Variants in TTBK1 observed in about 807,000 individuals in gnomAD.
TTBK1 encodes the protein tau tubulin kinase 1.
In TTBK1, 34 loss-of-function variants were observed where a neutral mutation model predicts 108.5. The ratio of observed to expected loss-of-function variants is 0.31; its 90% CI spans 0.24 to 0.42. TTBK1 has a LOEUF of 0.42. Among genes scored for constraint, TTBK1 ranks in the 10% least tolerant of loss-of-function variants. TTBK1 has a pLI of 1.00. For missense variants in TTBK1, 1,539 were observed against 1,826.0 expected (o/e 0.84, Z 2.86); for synonymous variants, 809 against 795.1 (o/e 1.02, Z -0.29).
At chr6:43,267,952 T>G (rs1449636364) in intron 13 of TTBK1, among the ~76,000 whole-genome samples, 3 of 152,000 alleles carry the variant, frequency 2.0e-5, no homozygotes, top group African/African-American at 7.2e-5. Context: ...TCACAAGCAG[T>G]GGGGTGGAGA....
intron 2 of TTBK1, 109 bp from the exon 3 acceptor site, chr6:43,252,630 A>T: frequency 7.5e-7 from 1 of 1,339,190 alleles, no homozygotes; most frequent in Non-Finnish European, 1.0e-6. Context: ...TCAAAAAAAA[A>T]AAAAGATACC....
In TTBK1 at chr6:43,263,439, A is replaced by G; in HGVS notation, c.1986+89A>G. 8.1e-7 allele frequency: 1 copy of G among 1,238,120 alleles called. No homozygotes were observed. Among genetic ancestry groups the G allele is most frequent in the Middle Eastern group, 2.8e-4 (1 of 3,618 alleles). The allele number at this position is 1,238,120 out of a possible 1,614,324, so 76.7% of individuals were successfully genotyped here. A position where few individuals can be genotyped will look rare whatever the true frequency, so the allele number is the denominator to read the frequency against. On this transcript the variant is annotated intron_variant, in intron 13 of 14. Transcript: ENST00000259750. This position sits in a 1 kb window ranked among gnomAD's most constrained non-coding sequence, Gnocchi z 4.7. ...GGGGTGCTCCATGTGTGCTGGCACTACTGACCAGTAAGCCAGCAGTCACAG... is the reference window on the plus strand; with the variant it reads ...GGGGTGCTCCATGTGTGCTGGCACTGCTGACCAGTAAGCCAGCAGTCACAG...
chr6:43,246,892 T>G (rs1039861031), intron 2 of TTBK1, 124 bp downstream of exon 2: 1 of 668,382 alleles, frequency 1.5e-6, no homozygotes, highest in Non-Finnish European at 2.5e-6. Context: ...TAAGCTCATT[T>G]GCATACTGCT....
intron 12 of TTBK1, among the ~76,000 whole-genome samples, chr6:43,261,687 C>T (rs979240742): frequency 2.6e-5 from 4 of 151,742 alleles, no homozygotes; most frequent in African/African-American, 9.7e-5. Flanking sequence ...TGGTGGTGTG[C>T]ACCTGTAAGC....
intron 13 of TTBK1, among the ~76,000 whole-genome samples, chr6:43,264,816 C>T (rs530115753): frequency 6.6e-6 from 1 of 151,946 alleles, no homozygotes; most frequent in Non-Finnish European, 1.5e-5. Flanking sequence ...GGAGCCAAGG[C>T]GAGAGAGACT....
intron 9 of TTBK1, among the ~76,000 whole-genome samples, chr6:43,256,964 C>T (rs1383051689): frequency 6.6e-6 from 1 of 152,082 alleles, no homozygotes; most frequent in East Asian, 1.9e-4. Context: ...ACCCACTGAC[C>T]CTGATCAGAG....
At chr6:43,249,819 C>T (rs1777190104) in intron 2 of TTBK1, among the ~76,000 whole-genome samples, 1 of 152,116 alleles carries the variant, frequency 6.6e-6, no homozygotes. Context: ...TCAAGTCATC[C>T]ACCCACCTCA....
chr6:43,261,733 T>G (rs577978991), intron 12 of TTBK1, among the ~76,000 whole-genome samples: 170 of 149,272 alleles, frequency 1.1e-3, no homozygotes, highest in Non-Finnish European at 1.8e-3. Flanking sequence ...GAGAATAGCT[T>G]GAACCTGGGG....
intron 9 of TTBK1, 115 bp downstream of exon 9, chr6:43,255,971 C>A (rs866322819): frequency 1.5e-6 from 2 of 1,345,516 alleles, no homozygotes; most frequent in Middle Eastern, 4.3e-4. Flanking sequence ...CCAAGCCTCT[C>A]CCCTTGGTCT....
chr6:43,248,364 A>AC (rs941854073), intron 2 of TTBK1, among the ~76,000 whole-genome samples: 7 of 151,686 alleles, frequency 4.6e-5, no homozygotes, highest in African/African-American at 1.7e-4. Flanking sequence ...ACCAAGGCAA[A>AC]CTGCCCATAG....
intron 2 of TTBK1, among the ~76,000 whole-genome samples, chr6:43,252,144 G>A (rs181706870): frequency 1.3e-5 from 2 of 151,854 alleles, no homozygotes; most frequent in Non-Finnish European, 2.9e-5. Context: ...ATGTCTATAC[G>A]GGGTCACAGG....
At position 43,257,917 on chromosome 6, in the gene TTBK1, A is replaced by G. The variant is rs768823873; in HGVS notation, c.967A>G (p.Thr323Ala). Residue 323 changes from threonine (T) to alanine (A), a missense_variant, in exon 10 of 15, where the codon ACC (threonine) becomes GCC (alanine). This residue lies in a region of TTBK1 where 277 missense variants were observed against 332.4 expected (regional missense o/e 0.83). Transcript: ENST00000259750. This position sits in a 1 kb window ranked among gnomAD's most constrained non-coding sequence, Gnocchi z 4.5. ...AGTDALLSTS[T>A]STPPQQNTRQ... ...CACCGATGCCCTCCTGTCCACGAGC[A>G]CCTCTACCCCGCCCCAGCAGAACAC... is the stretch of plus-strand genomic sequence containing the variant. The G allele has an allele frequency of 6.2e-7, 1 of 1,613,498 alleles. No individual in the cohort carries two copies.
intron 1 of TTBK1, 64 bp from the exon 2 acceptor site, chr6:43,246,543 T>A: frequency 1.5e-6 from 1 of 657,974 alleles, no homozygotes; most frequent in South Asian, 2.0e-5. Flanking sequence ...GCTCCTCTCC[T>A]CCATATCTGC....
chr6:43,255,665 T>C (rs1302539723), intron 8 of TTBK1, 21 bp downstream of exon 8: 2 of 1,614,032 alleles, frequency 1.2e-6, no homozygotes, highest in Admixed American at 1.7e-5. Flanking sequence ...GGCAGCTGGG[T>C]CTGAGGTGGC....
chr6:43,269,983 TGG>T lies in TTBK1; in HGVS notation c.1986+6641_1986+6642del. 3 of 1,305,894 alleles carry T rather than the reference TGG, an allele frequency of 2.3e-6. No homozygotes were observed. The highest frequency in any genetic ancestry group is 3.0e-6 in the Non-Finnish European group (3 of 1,002,414). The allele number at this position is 1,305,894 out of a possible 1,614,324, so 80.9% of individuals were successfully genotyped here. On this transcript the variant is annotated intron_variant, in intron 13 of 14. Coordinates refer to ENST00000259750, the MANE Select transcript of TTBK1 (RefSeq NM_032538.3). This position sits in a 1 kb window ranked among gnomAD's most constrained non-coding sequence, Gnocchi z 4.8. The stretch of plus-strand genomic sequence containing the variant: ...CCCCCCCCCTCCTGGAGGGGGCAGG[TGG>T]GGGGGGGTGGGGAGCAGGCAGAGGA...
At position 43,273,914 on chromosome 6, in the gene TTBK1, A is replaced by C. The variant is rs1243886888; in HGVS notation, c.1987-8813A>C. On this transcript the variant is annotated intron_variant, in intron 13 of 14. Coordinates refer to ENST00000259750, the MANE Select transcript of TTBK1 (RefSeq NM_032538.3). The surrounding 1 kb of genome is among the most constrained non-coding windows in gnomAD (Gnocchi z 4.2). ...CCCTCTGTCCAGGGCTGCAGCACTC[A>C]AAGGCGACAGTGTTCTTGCCCAGGA... is the stretch of plus-strand genomic sequence containing the variant. Among the ~76,000 whole-genome samples, 1 of 152,208 alleles carries C rather than the reference A, an allele frequency of 6.6e-6. No homozygotes were observed. The highest frequency in any genetic ancestry group is 1.5e-5 in the Non-Finnish European group (1 of 68,030).
chr6:43,256,717 T>C (rs1180872067), intron 9 of TTBK1, among the ~76,000 whole-genome samples: 1 of 151,892 alleles, frequency 6.6e-6, no homozygotes, highest in Non-Finnish European at 1.5e-5. Flanking sequence ...CCCGCCTGGG[T>C]GACAGAGCAA....
At position 43,283,135 on chromosome 6, in the gene TTBK1, C is replaced by G. The variant is rs773103397; in HGVS notation, c.2395C>G (p.Arg799Gly). The G allele has an allele frequency of 1.9e-6, 3 of 1,571,850 alleles. No individual in the cohort carries two copies. In the Admixed American group the frequency reaches 5.6e-5, roughly 29 times the overall value. Residue 799 changes from arginine (R) to glycine (G), a missense_variant, in exon 14 of 15, where the codon CGG becomes GGG. Arg to Gly is a moderately radical substitution (Grantham distance 125). Around this residue, in one of 5 missense-constraint regions of TTBK1, gnomAD observed 1,055 missense variants for 1,086.5 expected, o/e 0.97. Coordinates refer to ENST00000259750, the MANE Select transcript of TTBK1 (RefSeq NM_032538.3). This position sits in a 1 kb window ranked among gnomAD's most constrained non-coding sequence, Gnocchi z 8.1. ...TGAGGGGAGTGAGAGGAGCACTGAC[C>G]GGAGCCAGGAGGGTGCCCCGTCCAC... Reference protein sequence around the residue: ...SSEGSERSTDRSQEGAPSTLL... With the variant: ...SSEGSERSTDGSQEGAPSTLL...
At chr6:43,278,146 C>G (rs576613394) in intron 13 of TTBK1, among the ~76,000 whole-genome samples, 1 of 152,246 alleles carries the variant, frequency 6.6e-6, no homozygotes, top group East Asian at 1.9e-4. Context: ...CTATGTGGAG[C>G]CCCGTCTCCA....
Sources: gnomAD v4.1 joint callset for allele counts (sites outside exome capture counted in the v4.1 genomes callset) on GRCh38, gnomAD v4.1.1 for gene constraint, gnomAD v4.1.1 regional missense constraint, Gnocchi (gnomAD v3.1) non-coding constraint, MANE v1.5 for transcripts, NCBI Gene and HGNC (gene_info 2026-07-23, HGNC 2026-07-21) for gene names.